The following NRG3 variants were observed in gnomAD, a reference collection of about 807,000 sequenced individuals.
The protein encoded by NRG3 is pro-neuregulin-3, membrane-bound isoform.
A neutral mutation model predicts 66.9 loss-of-function variants in NRG3; 31 were observed. The observed-to-expected ratio is 0.46, with a 90% CI of 0.35 to 0.63. NRG3 has a LOEUF of 0.63. Among genes scored for constraint, NRG3 ranks in the 20% least tolerant of loss-of-function variants. The pLI is 0.00. For synonymous variants in NRG3, 393 were observed against 359.4 expected, an observed-to-expected ratio of 1.09 and a Z score of -1.06; for missense variants, 910 against 878.9, an observed-to-expected ratio of 1.04 and a Z score of -0.45.
intron 3 of NRG3, among the ~76,000 whole-genome samples, chr10:82,838,904 A>G (rs1156548615): frequency 6.6e-6 from 1 of 152,112 alleles, no homozygotes; most frequent in African/African-American, 2.4e-5. Flanking sequence ...CCTCACAATC[A>G]TGGCGGAAGG....
intron 1 of NRG3, among the ~76,000 whole-genome samples, chr10:82,128,729 A>G (rs2068618479): frequency 7.2e-6 from 1 of 139,142 alleles, no homozygotes; most frequent in Non-Finnish European, 1.6e-5. Context: ...AAGCATTTTT[A>G]AAAGCTTGTT....
intron 4 of NRG3, among the ~76,000 whole-genome samples, chr10:82,946,318 A>G (rs898861832): frequency 6.6e-6 from 1 of 151,772 alleles, no homozygotes; most frequent in Non-Finnish European, 1.5e-5. Context: ...AGGTGGGTGG[A>G]TCACAAGGTC....
intron 3 of NRG3, among the ~76,000 whole-genome samples, chr10:82,741,364 T>C (rs1219080546): frequency 2.6e-5 from 4 of 152,184 alleles, no homozygotes; most frequent in Non-Finnish European, 5.9e-5. Flanking sequence ...ATTTACCCTT[T>C]TCCGACGTTA....
At chr10:82,610,310 CG>C (rs2048232801) in intron 2 of NRG3, among the ~76,000 whole-genome samples, 1 of 63,806 alleles carries the variant, frequency 1.6e-5, no homozygotes, top group Admixed American at 1.8e-4. Context: ...ACCCTCTTGC[CG>C]TGTAAAGCAA....
chr10:82,977,316 G>T (rs781377482), intron 7 of NRG3, among the ~76,000 whole-genome samples: 1 of 151,986 alleles, frequency 6.6e-6, no homozygotes, highest in Non-Finnish European at 1.5e-5. Context: ...TATAATGAAT[G>T]AAGGTATAGG....
At chr10:81,907,090 A>C (rs1456076843) in intron 1 of NRG3, among the ~76,000 whole-genome samples, 2 of 152,190 alleles carry the variant, frequency 1.3e-5, no homozygotes, top group African/African-American at 4.8e-5. Flanking sequence ...ATGTGATCTT[A>C]GGAAAAATAG....
At chr10:82,218,197 G>A (rs780084164) in intron 1 of NRG3, among the ~76,000 whole-genome samples, 2 of 152,074 alleles carry the variant, frequency 1.3e-5, no homozygotes, top group Non-Finnish European at 2.9e-5. Flanking sequence ...TAATAATAAC[G>A]AAATAAGGCT....
intron 2 of NRG3, among the ~76,000 whole-genome samples, chr10:82,737,082 C>T (rs915339443): frequency 3.3e-5 from 5 of 152,084 alleles, no homozygotes; most frequent in Non-Finnish European, 7.4e-5. Flanking sequence ...TTTTCTGACT[C>T]TTACTGTGAT....
intron 1 of NRG3, among the ~76,000 whole-genome samples, chr10:82,167,812 T>A (rs1393373168): frequency 6.6e-6 from 1 of 152,074 alleles, no homozygotes; most frequent in East Asian, 1.9e-4. Context: ...TACATAAAGA[T>A]TATTGAATGG....
chr10:82,123,366 T>C (rs1400653245), intron 1 of NRG3, among the ~76,000 whole-genome samples: 1 of 152,212 alleles, frequency 6.6e-6, no homozygotes, highest in Non-Finnish European at 1.5e-5. Flanking sequence ...GTGTTCCTGC[T>C]GCAGGTGCCA....
intron 3 of NRG3, among the ~76,000 whole-genome samples, chr10:82,815,093 G>T (rs942540078): frequency 6.6e-6 from 1 of 152,150 alleles, no homozygotes; most frequent in Non-Finnish European, 1.5e-5. Context: ...GTTTAAAGAA[G>T]TATCTTCCAA....
intron 2 of NRG3, among the ~76,000 whole-genome samples, chr10:82,608,815 A>G (rs2048124725): frequency 6.6e-6 from 1 of 152,128 alleles, no homozygotes; most frequent in Admixed American, 6.6e-5. Flanking sequence ...TCAAATGGCT[A>G]CTTCCCCTGC....
intron 2 of NRG3, among the ~76,000 whole-genome samples, chr10:82,724,293 A>C (rs2057471810): frequency 6.6e-6 from 1 of 151,726 alleles, no homozygotes; most frequent in African/African-American, 2.4e-5. Context: ...ATATGAAATC[A>C]CTTTCCATTC....
At chr10:82,532,739 G>A (rs998327291) in intron 2 of NRG3, among the ~76,000 whole-genome samples, 4 of 151,226 alleles carry the variant, frequency 2.6e-5, no homozygotes, top group African/African-American at 9.7e-5. Context: ...GCACATAGAA[G>A]TGCTACTATC....
At chr10:82,175,391 C>T (rs994140246) in intron 1 of NRG3, among the ~76,000 whole-genome samples, 3 of 152,162 alleles carry the variant, frequency 2.0e-5, no homozygotes, top group East Asian at 3.9e-4. Flanking sequence ...GCGCCTTTTA[C>T]AGCATCACCT....
intron 1 of NRG3, among the ~76,000 whole-genome samples, chr10:82,098,415 C>A (rs1416917595): frequency 6.6e-6 from 1 of 151,958 alleles, no homozygotes; most frequent in Non-Finnish European, 1.5e-5. Context: ...CAACTTATTG[C>A]TCTTGGCAAA....
chr10:82,580,634 G>A (rs1032257660), intron 2 of NRG3, among the ~76,000 whole-genome samples: 1 of 151,870 alleles, frequency 6.6e-6, no homozygotes, highest in Non-Finnish European at 1.5e-5. Context: ...ATGTCATATA[G>A]TTGGGATCAA....
chr10:82,487,474 G>C (rs1254354525), intron 2 of NRG3, among the ~76,000 whole-genome samples: 1 of 152,078 alleles, frequency 6.6e-6, no homozygotes, highest in Non-Finnish European at 1.5e-5. Context: ...GTAACCCTGA[G>C]TGGAGGTTAA....
chr10:81,881,879 G>T (rs947271105), intron 1 of NRG3, among the ~76,000 whole-genome samples: 3 of 151,506 alleles, frequency 2.0e-5, no homozygotes, highest in Admixed American at 6.6e-5. Flanking sequence ...GAAGGAATCC[G>T]TATGCAGATT....
Sources: gnomAD v4.1 joint callset for allele counts (sites outside exome capture counted in the v4.1 genomes callset) on GRCh38, gnomAD v4.1.1 for gene constraint, MANE v1.5 for transcripts, NCBI Gene and HGNC (gene_info 2026-07-23, HGNC 2026-07-21) for gene names.